Variants in PLK1 observed in about 807,000 individuals in gnomAD.
The protein encoded by PLK1 is polo like kinase 1.
In PLK1, 6 loss-of-function variants were observed where a neutral mutation model predicts 56.7. That is an observed-to-expected ratio of 0.11 (90% CI 0.06 to 0.21). The LOEUF is 0.21. PLK1 is among the 10% of genes least tolerant of loss of function. The pLI is 1.00. For missense variants in PLK1, 546 were observed against 814.4 expected (o/e 0.67, Z 4.01); for synonymous variants, 298 against 325.0 (o/e 0.92, Z 0.89).
chr16:23,678,923 C>T lies in PLK1; in HGVS notation c.-10C>T, dbSNP rs1288467698. On this transcript the variant is annotated 5_prime_UTR_variant, in exon 1 of 10. Coordinates refer to ENST00000300093, the MANE Select transcript of PLK1 (RefSeq NM_005030.6). ...GCTCGGATCGAGGTCTGCAGCGCAGCTTCGGGAGCATGAGTGCTGCAGTGA... is the reference window on the plus strand; with the variant it reads ...GCTCGGATCGAGGTCTGCAGCGCAGTTTCGGGAGCATGAGTGCTGCAGTGA... 3 of 1,509,006 alleles carry T rather than the reference C, an allele frequency of 2.0e-6. No individual in the cohort carries two copies. Among genetic ancestry groups the T allele is most frequent in the East Asian group, 2.4e-5 (1 of 41,014 alleles). The allele number at this position is 1,509,006 out of a possible 1,614,324, so 93.5% of individuals were successfully genotyped here.
At chr16:23,686,621 T>TAGGGA (rs1457043517) in intron 5 of PLK1, among the ~76,000 whole-genome samples, 1 of 152,204 alleles carries the variant, frequency 6.6e-6, no homozygotes, top group Non-Finnish European at 1.5e-5. Context: ...GCCTCCCAAG[T>TAGGGA]AGCTAGGACT....
At position 23,682,536 on chromosome 16, in the gene PLK1, T is replaced by C. The variant is rs1235606922; in HGVS notation, c.816+379T>C. ...AAATGGCCTGCATCTTTTTTTTTTT[T>C]TTTTTTATTTGAGGTGGAGTTTTGC... On this transcript the variant is annotated intron_variant, in intron 4 of 9. Transcript: ENST00000300093. 4.0e-5 allele frequency among the ~76,000 whole-genome samples: 6 copies of C among 151,668 alleles called. No individual in the cohort carries two copies. The East Asian group carries it at 1.2e-3, about 29-fold the overall frequency.
chr16:23,679,622 G>C, intron 1 of PLK1: 1 of 421,926 alleles, frequency 2.4e-6, no homozygotes, highest in African/African-American at 2.0e-5. Context: ...AGGGGTGCTG[G>C]TAATGGACGC....
chr16:23,679,456 G>C, intron 1 of PLK1, 116 bp downstream of exon 1: 2 of 1,006,638 alleles, frequency 2.0e-6, no homozygotes, highest in Non-Finnish European at 2.9e-6. Flanking sequence ...AGCTGCTAGA[G>C]AAGGGTGCTG....
At chr16:23,681,192 C>A in intron 3 of PLK1, 134 bp downstream of exon 3, 2 of 773,094 alleles carry the variant, frequency 2.6e-6, no homozygotes, top group Non-Finnish European at 2.2e-6. Flanking sequence ...AAGTCATCCC[C>A]AAACAAAGCC....
intron 1 of PLK1, 191 bp from the exon 2 acceptor site, chr16:23,679,893 C>T: frequency 1.8e-6 from 1 of 562,688 alleles, no homozygotes; most frequent in South Asian, 2.3e-5. Flanking sequence ...AGGCAGGGTC[C>T]AGATGCCGCT....
In PLK1 at chr16:23,688,069, C is replaced by A. The variant is rs557612479; in HGVS notation, c.1192+445C>A. Reference sequence around the variant, plus strand: ...CTGCTGGTGCTTCTCATCCTCTTGCCCACTGCATAGTTCTCCATAACACTT... The same window carrying A: ...CTGCTGGTGCTTCTCATCCTCTTGCACACTGCATAGTTCTCCATAACACTT... On this transcript the variant is annotated intron_variant, in intron 6 of 9. Coordinates refer to ENST00000300093, the MANE Select transcript of PLK1 (RefSeq NM_005030.6). Among the ~76,000 whole-genome samples, 13 of 152,262 alleles carry A rather than the reference C, an allele frequency of 8.5e-5. No individual in the cohort carries two copies. The South Asian group carries it at 2.5e-3, about 29-fold the overall frequency.
rs757326389 is a variant in PLK1 at position 23,689,360 on chromosome 16, G to A, written c.1393G>A (p.Val465Met). The A allele has an allele frequency of 5.6e-6, 9 of 1,612,684 alleles. No individual in the cohort carries two copies. The highest frequency in any genetic ancestry group is 1.1e-5 in the South Asian group (1 of 91,072). The change falls in exon 8 of 10, where the codon GTG (valine) becomes ATG (methionine). Residue 465 changes from valine (V) to methionine (M), a missense_variant. Transcript: ENST00000300093. The surrounding 1 kb of genome is among the most constrained non-coding windows in gnomAD (Gnocchi z 4.8). ...ERDGTESYLT[V>M]SSHPNSLMKK... ...TGACGGCACTGAGTCCTACCTCACC[G>A]TGAGTTCCCATCCCAACTCCTTGAT...
chr16:23,687,594 A>C lies in PLK1; in HGVS notation c.1162A>C (p.Lys388Gln). 6.3e-7 allele frequency: 1 copy of C among 1,597,482 alleles called. No individual in the cohort carries two copies. Among genetic ancestry groups the C allele is most frequent in the South Asian group, 1.1e-5 (1 of 88,920 alleles). The stretch of plus-strand genomic sequence containing the variant: ...GCAGCTGCACAGTGTCAATGCCTCC[A>C]AGCCCTCGGAGCGTGGGCTGGTCAG... ...LQQLHSVNASKPSERGLVRQE... is the reference protein window; with the variant it reads ...LQQLHSVNASQPSERGLVRQE... The change falls in exon 6 of 10, where the codon AAG becomes CAG. Residue 388 changes from lysine to glutamine, a missense_variant. Physicochemically the swap from Lys to Gln is moderately conservative, Grantham distance 53. This residue lies in a region of PLK1 where 157 missense variants were observed against 184.0 expected (regional missense o/e 0.85). Coordinates refer to ENST00000300093, the MANE Select transcript of PLK1 (RefSeq NM_005030.6).
chr16:23,680,954 G>T lies in PLK1; in HGVS notation c.618G>T (p.Glu206Asp), dbSNP rs1235432057. 3.7e-6 allele frequency: 6 copies of T among 1,612,264 alleles called. No individual in the cohort carries two copies. The highest frequency in any genetic ancestry group is 4.2e-6 in the Non-Finnish European group (5 of 1,179,286). The stretch of plus-strand genomic sequence containing the variant: ...CAACCAAAGTCGAATATGACGGGGA[G>T]AGGAAGAAGACCCTGTGTGGGACTC... ...GLATKVEYDG[E>D]RKKTLCGTPN... Residue 206 changes from glutamate to aspartate, a missense_variant, in exon 3 of 10, where the codon GAG becomes GAT. Glu to Asp is a conservative substitution (Grantham distance 45, BLOSUM62 2). This residue lies in a region of PLK1 where 111 missense variants were observed against 211.8 expected (regional missense o/e 0.52). Transcript: ENST00000300093.
Position 23,687,492 on chromosome 16 carries a change from C to A in PLK1, c.1060C>A (p.Arg354Ser), listed in dbSNP as rs374942700. ...NKGLENPLPERPREKEEPVVR... is the reference protein window; with the variant it reads ...NKGLENPLPESPREKEEPVVR... ...AGGCTTGGAGAACCCCCTGCCTGAG[C>A]GTCCCCGGGAAAAAGAAGAACCAGT... The change falls in exon 6 of 10, where the codon CGT (arginine) becomes AGT (serine). Residue 354 changes from arginine (R) to serine (S), a missense_variant. Arg to Ser is a moderately radical substitution (Grantham distance 110). Coordinates refer to ENST00000300093, the MANE Select transcript of PLK1 (RefSeq NM_005030.6). 1 of 1,591,698 alleles carries A rather than the reference C, an allele frequency of 6.3e-7. No individual in the cohort carries two copies. Among genetic ancestry groups the A allele is most frequent in the Admixed American group, 1.7e-5 (1 of 57,994 alleles).
Position 23,680,269 on chromosome 16 carries a change from G to A in PLK1, c.577+17G>A, listed in dbSNP as rs8054430. The A allele has an allele frequency of 0.04, 64,990 of 1,612,194 alleles. 2,238 individuals carry two copies. The highest frequency in any genetic ancestry group is 0.18 in the African/African-American group (13,710 of 74,942). On this transcript the variant is annotated intron_variant, in intron 2 of 9. Coordinates refer to ENST00000300093, the MANE Select transcript of PLK1 (RefSeq NM_005030.6). ...TGAAAATAGGTGAGTTGCTGAGCCT[G>A]CAGGGGTGCTTGACATCACTACAAG... is the stretch of plus-strand genomic sequence containing the variant.
In PLK1 at chr16:23,682,088, A is replaced by G; in HGVS notation, c.747A>G (p.Pro249=). The part of the protein sequence containing the change: ...CIMYTLLVGK[P]PFETSCLKET... Reference sequence around the variant, plus strand: ...GGTATACCTTGTTAGTGGGCAAACCACCTTTTGAGACTTCTTGCCTAAAAG... The same window carrying G: ...GGTATACCTTGTTAGTGGGCAAACCGCCTTTTGAGACTTCTTGCCTAAAAG... The change falls in exon 4 of 10, where the codon CCA becomes CCG. Residue 249 remains proline (P), a synonymous_variant. Transcript: ENST00000300093. 1.2e-6 allele frequency: 2 copies of G among 1,607,612 alleles called. No homozygotes were observed. The highest frequency in any genetic ancestry group is 1.1e-5 in the South Asian group (1 of 90,928).
chr16:23,680,242 G>A lies in PLK1; in HGVS notation c.567G>A (p.Glu189=). Reference sequence around the variant, plus strand: ...ACCTTTTCCTGAATGAAGATCTGGAGGTGAAAATAGGTGAGTTGCTGAGCC... The same window carrying A: ...ACCTTTTCCTGAATGAAGATCTGGAAGTGAAAATAGGTGAGTTGCTGAGCC... The part of the protein sequence containing the change: ...LGNLFLNEDL[E]VKIGDFGLAT... The change falls in exon 2 of 10, where the codon GAG becomes GAA. Residue 189 remains glutamate, a synonymous_variant. Transcript: ENST00000300093. 1.2e-6 allele frequency: 2 copies of A among 1,614,014 alleles called. No homozygotes were observed. The highest frequency in any genetic ancestry group is 1.7e-6 in the Non-Finnish European group (2 of 1,179,926).
At chr16:23,684,159 T>A in intron 5 of PLK1, 70 bp downstream of exon 5, 2 of 1,234,572 alleles carry the variant, frequency 1.6e-6, no homozygotes, top group East Asian at 4.7e-5. Flanking sequence ...TGTGTGCAGC[T>A]TAGTCCCTGG....
chr16:23,680,869 C>T, intron 2 of PLK1, 45 bp from the exon 3 acceptor site: 1 of 1,578,356 alleles, frequency 6.3e-7, no homozygotes, highest in Non-Finnish European at 8.6e-7. Context: ...TGACAGATGT[C>T]AGAGGCTGGC....
chr16:23,689,817 C>A lies in PLK1; in HGVS notation c.1609-43C>A. 1 of 1,574,952 alleles carries A rather than the reference C, an allele frequency of 6.3e-7. No homozygotes were observed. Among genetic ancestry groups the A allele is most frequent in the Non-Finnish European group, 8.7e-7 (1 of 1,145,950 alleles). ...TCTTCCCTCTACTCCCTAACATACA[C>A]TGGCCTCTGGGATCGCCAACCCCTG... On this transcript the variant is annotated intron_variant, in intron 9 of 9. Coordinates refer to ENST00000300093, the MANE Select transcript of PLK1 (RefSeq NM_005030.6). The surrounding 1 kb of genome is among the most constrained non-coding windows in gnomAD (Gnocchi z 4.8).
chr16:23,682,985 CTTTTTTTTTT>C (rs1031796646), intron 4 of PLK1, among the ~76,000 whole-genome samples: 4 of 91,516 alleles, frequency 4.4e-5, no homozygotes, highest in Non-Finnish European at 6.3e-5. Context: ...TGTGCATTTT[CTTTTTTTTTT>C]TTTTTTTTTT....
At chr16:23,682,225 A>G in intron 4 of PLK1, 68 bp downstream of exon 4, 1 of 864,674 alleles carries the variant, frequency 1.2e-6, no homozygotes. Context: ...GAGCCCAGCA[A>G]TATCCTAGGA....
Sources: allele counts gnomAD v4.1 joint callset (sites outside exome capture counted in the v4.1 genomes callset), GRCh38; gene constraint gnomAD v4.1.1; regional missense constraint gnomAD v4.1.1; non-coding constraint Gnocchi (gnomAD v3.1); transcripts MANE v1.5; gene names NCBI Gene and HGNC (gene_info 2026-07-23, HGNC 2026-07-21).